Variants in PUS7 observed in about 807,000 individuals in gnomAD.
PUS7 encodes pseudouridine synthase 7, also known as pseudouridylate synthase 7 homolog.
Under a neutral mutation model 79.8 loss-of-function variants are expected in PUS7, and 48 were observed. That is an observed-to-expected ratio of 0.60 (90% CI 0.48 to 0.76). PUS7 has a LOEUF of 0.76. Ranked by LOEUF, PUS7 falls within the 30% of genes least tolerant of loss-of-function variation. The pLI, the probability that PUS7 is intolerant of heterozygous loss-of-function variation, is 0.00. For missense variants in PUS7, 729 were observed against 797.6 expected (o/e 0.91, Z 1.04); for synonymous variants, 286 against 272.2 (o/e 1.05, Z -0.50).
intron 12 of PUS7, among the ~76,000 whole-genome samples, chr7:105,465,761 A>T (rs1586092311): frequency 6.6e-6 from 1 of 152,284 alleles, no homozygotes; most frequent in Admixed American, 6.5e-5. Flanking sequence ...TGAACCCGGG[A>T]GGCGGAGGTT....
At chr7:105,461,619 T>C (rs1347945028) in intron 14 of PUS7, among the ~76,000 whole-genome samples, 1 of 152,214 alleles carries the variant, frequency 6.6e-6, no homozygotes, top group Non-Finnish European at 1.5e-5. Context: ...ATGAAACACT[T>C]AGATGCTAGG....
At chr7:105,471,286 A>G (rs1823863460) in intron 10 of PUS7, among the ~76,000 whole-genome samples, 1 of 152,192 alleles carries the variant, frequency 6.6e-6, no homozygotes, top group South Asian at 2.1e-4. Flanking sequence ...ATTCAAGATG[A>G]TTTTAGAGAT....
chr7:105,486,703 C>T (rs1482769337), intron 7 of PUS7, among the ~76,000 whole-genome samples: 3 of 151,960 alleles, frequency 2.0e-5, no homozygotes, highest in Non-Finnish European at 4.4e-5. Context: ...CCTGATGGTG[C>T]CACAGAAGTG....
At position 105,468,566 on chromosome 7, in the gene PUS7, G is replaced by C. The variant is rs1823753191; in HGVS notation, c.1399-103C>G. On this transcript the variant is annotated intron_variant, in intron 11 of 15. Transcript: ENST00000469408. ...GGGGTCTTGCTCTCTTGCCCAGGCT[G>C]GAGTGCAGTGGCACGATCTAGGCTC... The C allele has an allele frequency of 2.5e-5, 26 of 1,020,086 alleles. No homozygotes were observed. In the South Asian group the frequency reaches 4.3e-4, roughly 17 times the overall value. The allele number at this position is 1,020,086 out of a possible 1,614,324, so 63.2% of individuals were successfully genotyped here.
intron 15 of PUS7, among the ~76,000 whole-genome samples, chr7:105,458,175 G>T (rs1410139727): frequency 1.3e-5 from 2 of 152,116 alleles, no homozygotes; most frequent in East Asian, 3.8e-4. Context: ...AAAGAGAAAC[G>T]CATGTAAAGT....
intron 1 of PUS7, among the ~76,000 whole-genome samples, chr7:105,519,776 T>C (rs939402679): frequency 6.6e-6 from 1 of 152,144 alleles, no homozygotes; most frequent in Non-Finnish European, 1.5e-5. Flanking sequence ...GGTAAGGGGC[T>C]GAGAGTAAGA....
chr7:105,498,263 T>C (rs1168368635), intron 5 of PUS7, among the ~76,000 whole-genome samples: 3 of 152,228 alleles, frequency 2.0e-5, no homozygotes, highest in South Asian at 2.1e-4. Flanking sequence ...AGAAAATCAA[T>C]GAGTCTCCAT....
At chr7:105,495,422 T>C (rs915969913) in intron 5 of PUS7, 169 bp from the exon 6 acceptor site, 15 of 507,774 alleles carry the variant, frequency 3.0e-5, no homozygotes, top group East Asian at 1.6e-4. Context: ...TTTCCTGTAA[T>C]TGGACACTTA....
intron 15 of PUS7, 106 bp from the exon 16 acceptor site, chr7:105,458,032 T>C (rs1823259333): frequency 1.6e-6 from 2 of 1,289,018 alleles, no homozygotes; most frequent in Non-Finnish European, 2.1e-6. Context: ...CTGCTTTCCT[T>C]AGACTCCACT....
At chr7:105,493,094 A>G (rs1824864341) in intron 6 of PUS7, among the ~76,000 whole-genome samples, 1 of 152,254 alleles carries the variant, frequency 6.6e-6, no homozygotes, top group African/African-American at 2.4e-5. Flanking sequence ...CAGTGAAAGC[A>G]AAGAAAAATG....
chr7:105,481,329 T>C (rs1824311940), intron 8 of PUS7, 152 bp from the exon 9 acceptor site: 1 of 554,170 alleles, frequency 1.8e-6, no homozygotes, highest in Admixed American at 4.0e-5. Context: ...TTTCTTTAAG[T>C]TGTGGTAAGA....
At chr7:105,491,402 C>A (rs73190120) in intron 7 of PUS7, 138 bp downstream of exon 7, 4 of 453,926 alleles carry the variant, frequency 8.8e-6, no homozygotes, top group South Asian at 7.2e-5. Context: ...AAGAAAAAAA[C>A]AGAATGAAAA....
chr7:105,469,562 C>T (rs569175315), intron 11 of PUS7, among the ~76,000 whole-genome samples: 200 of 152,292 alleles, frequency 1.3e-3, no homozygotes, highest in Non-Finnish European at 2.3e-3. Context: ...TGGGTTCAAG[C>T]GATTCTCCTG....
rs557195951 is a variant in PUS7, at chr7:105,487,750, G to A, written c.920+3790C>T. Among the ~76,000 whole-genome samples, 12 of 152,294 alleles carry A rather than the reference G, an allele frequency of 7.9e-5. No homozygotes were observed. In the South Asian group the frequency reaches 2.5e-3, roughly 32 times the overall value. ...GAAAACCTTAATTAACAAAGCCAGGGAAATACTGGCCCAAGTTCAGAAAGG... is the reference window on the plus strand; with the variant it reads ...GAAAACCTTAATTAACAAAGCCAGGAAAATACTGGCCCAAGTTCAGAAAGG... On this transcript the variant is annotated intron_variant, in intron 7 of 15. Coordinates refer to ENST00000469408, the MANE Select transcript of PUS7 (RefSeq NM_019042.5).
At chr7:105,460,024 C>T (rs373208791) in intron 14 of PUS7, among the ~76,000 whole-genome samples, 23 of 152,178 alleles carry the variant, frequency 1.5e-4, no homozygotes, top group East Asian at 7.8e-4. Flanking sequence ...CTGCAAGCTC[C>T]GCCTCCCGGG....
chr7:105,501,283 T>A (rs1825236635), intron 5 of PUS7, among the ~76,000 whole-genome samples: 1 of 152,168 alleles, frequency 6.6e-6, no homozygotes, highest in African/African-American at 2.4e-5. Flanking sequence ...CCCAAATATA[T>A]CTAGGAATAA....
At chr7:105,512,032 C>A (rs989336033) in intron 1 of PUS7, among the ~76,000 whole-genome samples, 3 of 151,520 alleles carry the variant, frequency 2.0e-5, no homozygotes, top group South Asian at 2.1e-4. Context: ...GTAATCCCAG[C>A]TACTCAGAAG....
chr7:105,506,334 A>G, intron 2 of PUS7, 61 bp from the exon 3 acceptor site: 1 of 1,233,308 alleles, frequency 8.1e-7, no homozygotes, highest in Non-Finnish European at 1.2e-6. Context: ...TAATTTTAAG[A>G]TAAAGTTGAT....
chr7:105,495,346 T>C, intron 5 of PUS7, 93 bp from the exon 6 acceptor site: 1 of 712,336 alleles, frequency 1.4e-6, no homozygotes, highest in Non-Finnish European at 2.4e-6. Context: ...GAGTGGAAAA[T>C]CAGTTCTAGT....
Sources: gnomAD v4.1 joint callset for allele counts (sites outside exome capture counted in the v4.1 genomes callset) on GRCh38, gnomAD v4.1.1 for gene constraint, MANE v1.5 for transcripts, NCBI Gene and HGNC (gene_info 2026-07-23, HGNC 2026-07-21) for gene names.